The following SLCO1B1 variants were observed in gnomAD, a reference collection of about 807,000 sequenced individuals.
SLCO1B1 encodes the protein solute carrier organic anion transporter family member 1B1.
A neutral mutation model predicts 70.1 loss-of-function variants in SLCO1B1; 81 were observed. That is an observed-to-expected ratio of 1.16 (90% CI 0.97 to 1.39). The LOEUF is 1.39. SLCO1B1 is among the 40% of genes most tolerant of loss of function. The probability of loss-of-function intolerance (pLI) is 0.00; values close to 1 mark genes in which losing one functional copy is unlikely to be tolerated. For missense variants in SLCO1B1, 895 were observed against 799.6 expected (o/e 1.12, Z -1.44); for synonymous variants, 283 against 271.5 (o/e 1.04, Z -0.42).
At chr12:21,188,957 A>G (rs1940994528) in intron 7 of SLCO1B1, among the ~76,000 whole-genome samples, 1 of 152,216 alleles carries the variant, frequency 6.6e-6, no homozygotes, top group Non-Finnish European at 1.5e-5. Flanking sequence ...TTCTTTTTAA[A>G]GACTGAATAA....
intron 1 of SLCO1B1, among the ~76,000 whole-genome samples, chr12:21,140,929 A>G (rs570341348): frequency 6.6e-6 from 1 of 152,080 alleles, no homozygotes; most frequent in African/African-American, 2.4e-5. Flanking sequence ...TGATGGTGGT[A>G]AGGTCAAGCA....
intron 8 of SLCO1B1, among the ~76,000 whole-genome samples, chr12:21,199,853 G>A (rs1941135538): frequency 1.3e-5 from 2 of 151,936 alleles, no homozygotes; most frequent in Non-Finnish European, 2.9e-5. Context: ...CTAGGCTGGA[G>A]TGCAGTGTCA....
chr12:21,214,780 A>C (rs1941337769), intron 11 of SLCO1B1, among the ~76,000 whole-genome samples: 1 of 152,138 alleles, frequency 6.6e-6, no homozygotes, highest in Non-Finnish European at 1.5e-5. Context: ...CCGTTTTTTA[A>C]GCCCCTCGGA....
At chr12:21,165,376 C>T (rs185311145) in intron 2 of SLCO1B1, among the ~76,000 whole-genome samples, 1 of 152,150 alleles carries the variant, frequency 6.6e-6, no homozygotes, top group East Asian at 1.9e-4. Context: ...GTAGCTAGCA[C>T]TGCATGTACA....
At chr12:21,159,659 A>G (rs901959276) in intron 2 of SLCO1B1, among the ~76,000 whole-genome samples, 6 of 152,134 alleles carry the variant, frequency 3.9e-5, no homozygotes, top group African/African-American at 1.4e-4. Context: ...TCTCCATTTT[A>G]AAAACAATGG....
At chr12:21,142,047 A>G (rs1940316523) in intron 2 of SLCO1B1, among the ~76,000 whole-genome samples, 2 of 144,684 alleles carry the variant, frequency 1.4e-5, no homozygotes, top group African/African-American at 5.0e-5. Flanking sequence ...ACTTTGTGAT[A>G]CTGACTTATT....
Position 21,178,664 on chromosome 12 carries a change from ATTGGGG to A in SLCO1B1, c.571_576del (p.Gly192_Leu193del). The A allele has an allele frequency of 6.2e-7, 1 of 1,606,570 alleles. No homozygotes were observed. Among genetic ancestry groups the A allele is most frequent in the Non-Finnish European group, 8.5e-7 (1 of 1,173,168 alleles). On this transcript the variant is annotated inframe_deletion, in exon 6 of 15. Transcript: ENST00000256958. Reference sequence around the variant, plus strand: ...GAATAGGGGAGACTCCCATAGTACCATTGGGGCTTTCTTACATTGATGATTTCGCTA... The same window carrying A: ...GAATAGGGGAGACTCCCATAGTACCACTTTCTTACATTGATGATTTCGCTA...
intron 7 of SLCO1B1, among the ~76,000 whole-genome samples, chr12:21,185,770 T>C (rs1286575143): frequency 6.6e-6 from 1 of 151,446 alleles, no homozygotes; most frequent in African/African-American, 2.4e-5. Context: ...ATACAAAAGA[T>C]AAATAAAACC....
intron 2 of SLCO1B1, among the ~76,000 whole-genome samples, chr12:21,152,279 CTTT>C (rs1330434129): frequency 6.6e-6 from 1 of 151,782 alleles, no homozygotes; most frequent in Non-Finnish European, 1.5e-5. Context: ...TTGTGTGCTT[CTTT>C]ATTTTACCAC....
chr12:21,235,294 A>G (rs961352182), intron 14 of SLCO1B1, among the ~76,000 whole-genome samples: 54 of 151,582 alleles, frequency 3.6e-4, no homozygotes, highest in African/African-American at 1.2e-3. Flanking sequence ...TCATTATGTA[A>G]TGCACTTACT....
At chr12:21,149,167 A>C (rs1327711812) in intron 2 of SLCO1B1, among the ~76,000 whole-genome samples, 3 of 152,148 alleles carry the variant, frequency 2.0e-5, no homozygotes, top group Non-Finnish European at 4.4e-5. Context: ...TATCATCTGC[A>C]AACAAAGACA....
intron 7 of SLCO1B1, among the ~76,000 whole-genome samples, chr12:21,183,765 A>G (rs1266393075): frequency 2.6e-5 from 4 of 152,192 alleles, no homozygotes; most frequent in African/African-American, 9.6e-5. Context: ...AATGACTAAA[A>G]TGACAGACAG....
At chr12:21,173,414 T>C (rs542469471) in intron 3 of SLCO1B1, among the ~76,000 whole-genome samples, 5 of 152,244 alleles carry the variant, frequency 3.3e-5, no homozygotes, top group African/African-American at 1.2e-4. Flanking sequence ...TAAATTTTTT[T>C]CTTCTAAATT....
intron 1 of SLCO1B1, among the ~76,000 whole-genome samples, chr12:21,133,233 T>A (rs1228734992): frequency 6.6e-6 from 1 of 152,088 alleles, no homozygotes; most frequent in Non-Finnish European, 1.5e-5. Flanking sequence ...TTGGTTACTG[T>A]AGCCTTGTAG....
At chr12:21,178,840 G>A (rs555117257) in intron 6 of SLCO1B1, 82 bp from the exon 7 acceptor site, 24 of 1,349,706 alleles carry the variant, frequency 1.8e-5, no homozygotes, top group South Asian at 1.3e-4. Flanking sequence ...TATATGTATT[G>A]TATCATATTT....
intron 1 of SLCO1B1, among the ~76,000 whole-genome samples, chr12:21,139,954 T>G (rs1030592764): frequency 2.6e-5 from 4 of 152,152 alleles, no homozygotes; most frequent in Non-Finnish European, 5.9e-5. Context: ...ATACATATGC[T>G]GTATAAGCTT....
At chr12:21,133,536 G>A (rs2121019632) in intron 1 of SLCO1B1, among the ~76,000 whole-genome samples, 1 of 152,184 alleles carries the variant, frequency 6.6e-6, no homozygotes, top group Admixed American at 6.5e-5. Flanking sequence ...TCTCCTTGAA[G>A]AGGTCCTTCA....
At chr12:21,178,507 A>C in intron 5 of SLCO1B1, 69 bp from the exon 6 acceptor site, 2 of 1,090,034 alleles carry the variant, frequency 1.8e-6, no homozygotes, top group Non-Finnish European at 2.8e-6. Flanking sequence ...AAGAGTTTAC[A>C]AGTAGTTAAA....
intron 2 of SLCO1B1, among the ~76,000 whole-genome samples, chr12:21,170,772 T>TTGAATTCC (rs2121094818): frequency 6.6e-6 from 1 of 152,352 alleles, no homozygotes; most frequent in East Asian, 1.9e-4. Context: ...AATAAATCTT[T>TTGAATTCC]TGAATTCCTT....
Sources: allele counts gnomAD v4.1 joint callset (sites outside exome capture counted in the v4.1 genomes callset), GRCh38; gene constraint gnomAD v4.1.1; transcripts MANE v1.5; gene names NCBI Gene and HGNC (gene_info 2026-07-23, HGNC 2026-07-21).